The following DPYD variants were observed in gnomAD, a reference collection of about 807,000 sequenced individuals.
DPYD encodes the protein dihydropyrimidine dehydrogenase [NADP(+)].
DPYD carries 109 observed loss-of-function variants against 116.2 expected under a neutral mutation model. That is an observed-to-expected ratio of 0.94 (90% CI 0.80 to 1.10). The LOEUF is 1.10. DPYD is among the 50% of genes least tolerant of loss of function. The probability of loss-of-function intolerance (pLI) is 0.00; values close to 1 mark genes in which losing one functional copy is unlikely to be tolerated. For missense variants in DPYD, 1,302 were observed against 1,254.5 expected (o/e 1.04, Z -0.57); for synonymous variants, 440 against 432.0 (o/e 1.02, Z -0.23).
Position 97,511,423 on chromosome 1 carries a change from C to A in DPYD, c.1740+4303G>T, listed in dbSNP as rs544605254. 2.0e-5 allele frequency among the ~76,000 whole-genome samples: 3 copies of A among 152,026 alleles called. 1 individual carries two copies. The highest frequency in any genetic ancestry group is 7.2e-5 in the African/African-American group (3 of 41,522). On this transcript the variant is annotated intron_variant, in intron 13 of 22. Transcript: ENST00000370192. ...AGCTTTGGATTAAGACCAGGGCCTC[C>A]CAGGCCAAAGTACCTTTCCCCACAC...
At chr1:97,503,652 C>T (rs1679720181) in intron 13 of DPYD, among the ~76,000 whole-genome samples, 1 of 151,974 alleles carries the variant, frequency 6.6e-6, no homozygotes, top group African/African-American at 2.4e-5. Context: ...TCCTCCTCAA[C>T]ACCCTCCATA....
Position 97,082,484 on chromosome 1 carries a change from C to T in DPYD, c.2767-14G>A. 1 of 1,612,990 alleles carries T rather than the reference C, an allele frequency of 6.2e-7. No individual in the cohort carries two copies. The highest frequency in any genetic ancestry group is 8.5e-7 in the Non-Finnish European group (1 of 1,179,398). ...TCCTATTACATCCTAAAAATAGCCA[C>T]TGAATTACTTAGCAAGCTCATTTTA... On this transcript the variant is annotated splice_polypyrimidine_tract_variant and intron_variant, in intron 21 of 22. Transcript: ENST00000370192.
intron 22 of DPYD, among the ~76,000 whole-genome samples, chr1:97,079,637 G>A (rs1383616136): frequency 6.6e-6 from 1 of 152,060 alleles, no homozygotes; most frequent in Non-Finnish European, 1.5e-5. Flanking sequence ...GAAGAAAGCA[G>A]AAGAAAAAAA....
chr1:97,681,955 C>T (rs1249040646), intron 7 of DPYD, among the ~76,000 whole-genome samples: 1 of 152,044 alleles, frequency 6.6e-6, no homozygotes, highest in East Asian at 1.9e-4. Context: ...AGTGCCTCTG[C>T]AGGAAGATTC....
intron 18 of DPYD, among the ~76,000 whole-genome samples, chr1:97,287,584 A>C (rs1406385772): frequency 4.6e-5 from 7 of 152,186 alleles, no homozygotes; most frequent in African/African-American, 1.7e-4. Flanking sequence ...GGCTCCACCC[A>C]GTTGGAGCTT....
chr1:97,612,545 T>A (rs953573909), intron 8 of DPYD, among the ~76,000 whole-genome samples: 1 of 152,038 alleles, frequency 6.6e-6, no homozygotes, highest in Admixed American at 6.6e-5. Flanking sequence ...TATTAACATA[T>A]AGAAACATTA....
chr1:97,086,952 T>C (rs1649562547), intron 21 of DPYD, among the ~76,000 whole-genome samples: 1 of 152,242 alleles, frequency 6.6e-6, no homozygotes. Flanking sequence ...TTTCCTTATC[T>C]GTACCATTAC....
intron 18 of DPYD, among the ~76,000 whole-genome samples, chr1:97,247,374 G>A (rs907607683): frequency 7.9e-5 from 12 of 152,160 alleles, no homozygotes; most frequent in Admixed American, 2.6e-4. Flanking sequence ...AGGATATGGA[G>A]CAATCTGGCA....
At chr1:97,884,993 T>A (rs1404294622) in intron 1 of DPYD, among the ~76,000 whole-genome samples, 1 of 151,944 alleles carries the variant, frequency 6.6e-6, no homozygotes, top group Non-Finnish European at 1.5e-5. Flanking sequence ...ATAAATGAAA[T>A]GCATGATACA....
Position 97,311,269 on chromosome 1 carries a change from A to G in DPYD, c.2059-4972T>C, listed in dbSNP as rs1021459088. ...CAAGATTCTGAAGCACAATTCATAA[A>G]GGAGTAGTATCCAGAATATATAAAG... is the stretch of plus-strand genomic sequence containing the variant. On this transcript the variant is annotated intron_variant, in intron 16 of 22. Transcript: ENST00000370192. Among the ~76,000 whole-genome samples, 7 of 151,862 alleles carry G rather than the reference A, an allele frequency of 4.6e-5. No individual in the cohort carries two copies. The Admixed American group carries it at 4.6e-4, about 10-fold the overall frequency.
intron 2 of DPYD, among the ~76,000 whole-genome samples, chr1:97,846,248 T>G (rs887172414): frequency 6.6e-6 from 1 of 152,108 alleles, no homozygotes; most frequent in Non-Finnish European, 1.5e-5. Flanking sequence ...AAGCTCCGTG[T>G]CTTTTTTCCC....
At chr1:97,893,085 T>A (rs939296663) in intron 1 of DPYD, among the ~76,000 whole-genome samples, 3 of 151,792 alleles carry the variant, frequency 2.0e-5, no homozygotes, top group African/African-American at 4.8e-5. Flanking sequence ...TCTATGTATG[T>A]AATAGAACTA....
intron 11 of DPYD, among the ~76,000 whole-genome samples, chr1:97,567,092 G>T (rs1046529915): frequency 6.6e-6 from 1 of 152,000 alleles, no homozygotes; most frequent in Non-Finnish European, 1.5e-5. Flanking sequence ...TTTTTGCATC[G>T]TAAGAATCTT....
intron 10 of DPYD, among the ~76,000 whole-genome samples, chr1:97,580,720 A>G (rs916373354): frequency 6.6e-6 from 1 of 152,172 alleles, no homozygotes; most frequent in Non-Finnish European, 1.5e-5. Context: ...ATATCTAATC[A>G]TCTTCAATAT....
At chr1:97,434,930 C>A (rs1191618299) in intron 14 of DPYD, among the ~76,000 whole-genome samples, 1 of 151,896 alleles carries the variant, frequency 6.6e-6, no homozygotes, top group Admixed American at 6.6e-5. Context: ...ATATTCATAT[C>A]TTTTTTGTGA....
At chr1:97,859,582 G>T (rs1306199584) in intron 2 of DPYD, among the ~76,000 whole-genome samples, 1 of 152,090 alleles carries the variant, frequency 6.6e-6, no homozygotes, top group Non-Finnish European at 1.5e-5. Flanking sequence ...CTATATGTAA[G>T]TTCTCTTGGT....
chr1:97,544,095 CT>C (rs1302272474), intron 12 of DPYD, among the ~76,000 whole-genome samples: 1 of 152,092 alleles, frequency 6.6e-6, no homozygotes, highest in Non-Finnish European at 1.5e-5. Flanking sequence ...TTTAAATGAG[CT>C]AATTAGGATT....
At chr1:97,756,794 C>T (rs1486904357) in intron 3 of DPYD, among the ~76,000 whole-genome samples, 1 of 152,086 alleles carries the variant, frequency 6.6e-6, no homozygotes, top group Non-Finnish European at 1.5e-5. Flanking sequence ...TTTAGTAATG[C>T]TAATACAAAA....
At chr1:97,717,752 A>G (rs1476611433) in intron 5 of DPYD, among the ~76,000 whole-genome samples, 1 of 151,976 alleles carries the variant, frequency 6.6e-6, no homozygotes, top group Admixed American at 6.6e-5. Flanking sequence ...AACTCCATCT[A>G]CATTGCAGCG....
Sources: gnomAD v4.1 joint callset for allele counts (sites outside exome capture counted in the v4.1 genomes callset) on GRCh38, gnomAD v4.1.1 for gene constraint, MANE v1.5 for transcripts, NCBI Gene and HGNC (gene_info 2026-07-23, HGNC 2026-07-21) for gene names.